CALN1: variants seen among roughly 807,000 people sequenced by gnomAD.
The protein encoded by CALN1 is calneuron 1.
Under a neutral mutation model 30.6 loss-of-function variants are expected in CALN1, and 17 were observed. The ratio of observed to expected loss-of-function variants is 0.56; its 90% CI spans 0.38 to 0.83. The LOEUF (loss-of-function observed/expected upper bound fraction) is 0.83, where lower values mean the gene tolerates loss of function less well. CALN1 is among the 40% of genes least tolerant of loss of function. CALN1 has a pLI of 0.00. For missense variants in CALN1, 291 were observed against 354.9 expected (o/e 0.82, Z 1.45); for synonymous variants, 156 against 131.4 (o/e 1.19, Z -1.28).
At chr7:72,216,930 G>T (rs1431793908) in intron 3 of CALN1, among the ~76,000 whole-genome samples, 4 of 151,604 alleles carry the variant, frequency 2.6e-5, no homozygotes, top group Non-Finnish European at 5.9e-5. Flanking sequence ...TTTTTTAAGA[G>T]ATGGGGTCTT....
At chr7:72,452,181 TG>T in the CALN1 span, among the ~76,000 whole-genome samples, 1 of 152,246 alleles carries the variant, frequency 6.6e-6, no homozygotes, top group Non-Finnish European at 1.5e-5. Context: ...GGAACTTGGA[TG>T]GGGGAGGTTA....
chr7:72,283,351 CCT>C (rs1367258280), intron 2 of CALN1, among the ~76,000 whole-genome samples: 1 of 151,964 alleles, frequency 6.6e-6, no homozygotes, highest in Non-Finnish European at 1.5e-5. Context: ...AGAGCAAGAC[CCT>C]GTCTCTTCAC....
At chr7:72,337,955 AG>A (rs537691388) in intron 2 of CALN1, among the ~76,000 whole-genome samples, 235 of 152,360 alleles carry the variant, frequency 1.5e-3, no homozygotes, top group Non-Finnish European at 2.0e-3. Flanking sequence ...ACGCCCAGAC[AG>A]ACCCCTGCCC....
chr7:71,947,195 G>A (rs1159047884), intron 5 of CALN1, among the ~76,000 whole-genome samples: 1 of 151,994 alleles, frequency 6.6e-6, no homozygotes, highest in Non-Finnish European at 1.5e-5. Context: ...ATTTTTAGTA[G>A]AGACGGGGTT....
chr7:72,376,774 T>C (rs772332898), intron 2 of CALN1, among the ~76,000 whole-genome samples: 4 of 152,240 alleles, frequency 2.6e-5, no homozygotes, highest in African/African-American at 4.8e-5. Context: ...ATTTAGGAAA[T>C]TGCTGCCTAA....
At chr7:72,178,999 T>C (rs1326864227) in intron 3 of CALN1, among the ~76,000 whole-genome samples, 1 of 152,214 alleles carries the variant, frequency 6.6e-6, no homozygotes, top group Admixed American at 6.5e-5. Context: ...CTTTGTAACA[T>C]GCGAGATATT....
chr7:71,992,960 T>C (rs1227164231), intron 5 of CALN1, among the ~76,000 whole-genome samples: 1 of 152,186 alleles, frequency 6.6e-6, no homozygotes, highest in Non-Finnish European at 1.5e-5. Context: ...AGGGAAAAGC[T>C]GCTAGGAGAT....
intron 3 of CALN1, among the ~76,000 whole-genome samples, chr7:72,217,254 C>G (rs950186393): frequency 4.6e-5 from 7 of 151,980 alleles, no homozygotes; most frequent in Admixed American, 6.6e-5. Context: ...CCAAGCACAC[C>G]CCAGCCACTC....
intron 3 of CALN1, among the ~76,000 whole-genome samples, chr7:72,117,952 C>A (rs1453957929): frequency 1.5e-5 from 2 of 136,140 alleles, no homozygotes; most frequent in Non-Finnish European, 3.0e-5. Flanking sequence ...TGCGAGACAC[C>A]GTCTCAAAAA....
intron 3 of CALN1, among the ~76,000 whole-genome samples, chr7:72,240,446 T>C (rs553515485): frequency 4.6e-5 from 7 of 152,276 alleles, no homozygotes; most frequent in Admixed American, 4.6e-4. Context: ...TCTCCAGCCT[T>C]GGCCTCCCAA....
intron 3 of CALN1, among the ~76,000 whole-genome samples, chr7:72,225,685 T>C (rs1055669095): frequency 6.6e-6 from 1 of 152,176 alleles, no homozygotes; most frequent in Non-Finnish European, 1.5e-5. Context: ...TCTTGTGTGT[T>C]CCTCACTTCC....
At chr7:72,082,188 G>A (rs768456560) in intron 4 of CALN1, among the ~76,000 whole-genome samples, 3 of 152,130 alleles carry the variant, frequency 2.0e-5, no homozygotes, top group Admixed American at 6.5e-5. Context: ...GTTTCACCAC[G>A]TTGGTCAGGC....
chr7:72,279,103 A>C (rs944477664), intron 2 of CALN1, among the ~76,000 whole-genome samples: 3 of 152,120 alleles, frequency 2.0e-5, no homozygotes, highest in Non-Finnish European at 4.4e-5. Context: ...TCACCATCGA[A>C]CTATCTCTTT....
chr7:71,943,909 G>C (rs1210164294), intron 5 of CALN1, among the ~76,000 whole-genome samples: 1 of 152,148 alleles, frequency 6.6e-6, no homozygotes, highest in Non-Finnish European at 1.5e-5. Flanking sequence ...TGGAGATAAA[G>C]AAAAAATAAT....
chr7:71,886,802 C>T (rs1288100617), intron 5 of CALN1, among the ~76,000 whole-genome samples: 6 of 151,512 alleles, frequency 4.0e-5, no homozygotes, highest in African/African-American at 1.5e-4. Flanking sequence ...ATATTGCATG[C>T]CTTCTATGTT....
At chr7:72,252,608 C>CAAAAA (rs71069044) in intron 3 of CALN1, among the ~76,000 whole-genome samples, 10 of 137,390 alleles carry the variant, frequency 7.3e-5, no homozygotes, top group Admixed American at 1.5e-4. Flanking sequence ...GACCCTGTCT[C>CAAAAA]AAAAAAAAAA....
At chr7:71,918,695 C>T (rs1794798079) in intron 5 of CALN1, among the ~76,000 whole-genome samples, 2 of 152,156 alleles carry the variant, frequency 1.3e-5, no homozygotes, top group South Asian at 2.1e-4. Flanking sequence ...AGAAGGTCAA[C>T]CTAAAGCAGC....
chr7:71,910,511 T>C (rs1359263190), intron 5 of CALN1, among the ~76,000 whole-genome samples: 8 of 152,230 alleles, frequency 5.3e-5, no homozygotes, highest in African/African-American at 2.4e-5. Flanking sequence ...AACAGACAGA[T>C]GAACCAAGTT....
At chr7:72,365,859 C>T (rs567588885) in intron 2 of CALN1, among the ~76,000 whole-genome samples, 10 of 152,250 alleles carry the variant, frequency 6.6e-5, no homozygotes, top group African/African-American at 1.4e-4. Flanking sequence ...TATATGAAAA[C>T]GTACCCTCTC....
Sources: allele counts gnomAD v4.1 joint callset (sites outside exome capture counted in the v4.1 genomes callset), GRCh38; gene constraint gnomAD v4.1.1; transcripts MANE v1.5; gene names NCBI Gene and HGNC (gene_info 2026-07-23, HGNC 2026-07-21).